NKAIN3: variants seen among roughly 807,000 people sequenced by gnomAD.
The protein encoded by NKAIN3 is sodium/potassium-transporting ATPase subunit beta-1-interacting protein 3.
A neutral mutation model predicts 30.2 loss-of-function variants in NKAIN3; 25 were observed. The ratio of observed to expected loss-of-function variants is 0.83; its 90% CI spans 0.60 to 1.16. The LOEUF is 1.16. Among genes scored for constraint, NKAIN3 ranks in the 50% most tolerant of loss-of-function variants. The pLI is 0.00. For synonymous variants in NKAIN3, 91 were observed against 89.6 expected (o/e 1.02, Z -0.09); for missense variants, 225 against 254.1 (o/e 0.89, Z 0.78).
chr8:62,647,558 T>C (rs1469126872), intron 3 of NKAIN3, among the ~76,000 whole-genome samples: 1 of 152,158 alleles, frequency 6.6e-6, no homozygotes, highest in Non-Finnish European at 1.5e-5. Context: ...CAGAAAGGCT[T>C]CCTGGACGAA....
At chr8:62,659,343 TCACTCTGG>T (rs1215249041) in intron 3 of NKAIN3, among the ~76,000 whole-genome samples, 1 of 108,772 alleles carries the variant, frequency 9.2e-6, no homozygotes, top group African/African-American at 3.7e-5. Flanking sequence ...GTTTAGAACC[TCACTCTGG>T]CACTTGCCAG....
intron 1 of NKAIN3, among the ~76,000 whole-genome samples, chr8:62,578,926 T>C (rs1435373726): frequency 1.3e-5 from 2 of 151,842 alleles, no homozygotes; most frequent in Non-Finnish European, 2.9e-5. Context: ...ATGAGGATGG[T>C]TAATAAATGC....
chr8:62,802,778 T>A (rs1291636713), intron 4 of NKAIN3, among the ~76,000 whole-genome samples: 3 of 152,152 alleles, frequency 2.0e-5, no homozygotes, highest in African/African-American at 7.2e-5. Context: ...TAACTTTAAA[T>A]GTAAATGGAC....
intron 1 of NKAIN3, among the ~76,000 whole-genome samples, chr8:62,392,375 A>G (rs941987411): frequency 2.0e-5 from 3 of 152,058 alleles, no homozygotes; most frequent in South Asian, 2.1e-4. Context: ...AGTGGAGTGA[A>G]GCTCACTTTT....
chr8:62,318,471 A>G (rs1191107174), intron 1 of NKAIN3, among the ~76,000 whole-genome samples: 1 of 152,212 alleles, frequency 6.6e-6, no homozygotes. Flanking sequence ...GATACATCCC[A>G]TCAATACCTA....
At chr8:62,257,972 G>T (rs1427984759) in intron 1 of NKAIN3, among the ~76,000 whole-genome samples, 11 of 151,860 alleles carry the variant, frequency 7.2e-5, no homozygotes, top group African/African-American at 2.7e-4. Flanking sequence ...GAAATAAATT[G>T]TTTTCTATCC....
chr8:62,870,257 T>TATCTATATATAGATATCTATAG (rs1586292035), intron 4 of NKAIN3, among the ~76,000 whole-genome samples: 19 of 84,982 alleles, frequency 2.2e-4, no homozygotes, highest in South Asian at 6.6e-4. Context: ...TATCTATATA[T>TATCTATATATAGATATCTATAG]ATATCTATAT....
chr8:62,746,487 C>T (rs1816075556), intron 3 of NKAIN3, among the ~76,000 whole-genome samples: 1 of 152,180 alleles, frequency 6.6e-6, no homozygotes, highest in South Asian at 2.1e-4. Context: ...CATTAAAGTG[C>T]CTACATGAAC....
intron 3 of NKAIN3, among the ~76,000 whole-genome samples, chr8:62,672,315 A>G (rs1433243325): frequency 1.3e-5 from 2 of 152,194 alleles, no homozygotes; most frequent in Non-Finnish European, 2.9e-5. Context: ...TTGTCCCTGA[A>G]TGTCTCAGAA....
intron 1 of NKAIN3, among the ~76,000 whole-genome samples, chr8:62,372,870 G>C (rs1011567332): frequency 6.6e-6 from 1 of 152,122 alleles, no homozygotes; most frequent in South Asian, 2.1e-4. Context: ...TCCCTTCTCT[G>C]TCTTTTTGCA....
intron 4 of NKAIN3, among the ~76,000 whole-genome samples, chr8:62,810,083 G>T (rs1022339712): frequency 4.6e-5 from 7 of 152,124 alleles, no homozygotes; most frequent in Non-Finnish European, 1.0e-4. Context: ...GACTGAGCAA[G>T]CCGCTCTTCT....
chr8:62,345,592 C>T (rs13260339), intron 1 of NKAIN3, among the ~76,000 whole-genome samples: 1,844 of 124,136 alleles, frequency 0.015, 196 homozygotes, highest in African/African-American at 0.058. Context: ...TATATACACA[C>T]ATATATACAC....
chr8:62,810,100 C>T (rs1818441902), intron 4 of NKAIN3, among the ~76,000 whole-genome samples: 1 of 152,082 alleles, frequency 6.6e-6, no homozygotes, highest in South Asian at 2.1e-4. Context: ...TTCTTCAAAG[C>T]CTGAGAGACA....
intron 1 of NKAIN3, among the ~76,000 whole-genome samples, chr8:62,256,632 C>T (rs1269908532): frequency 1.3e-5 from 2 of 152,058 alleles, no homozygotes; most frequent in South Asian, 2.1e-4. Flanking sequence ...GGTGTATCTG[C>T]GGTAGGCTGT....
At chr8:62,390,234 C>T (rs1027975506) in intron 1 of NKAIN3, among the ~76,000 whole-genome samples, 1 of 152,014 alleles carries the variant, frequency 6.6e-6, no homozygotes, top group Non-Finnish European at 1.5e-5. Context: ...GTGTGTTATT[C>T]CCCTCTATGT....
At chr8:62,410,249 G>A (rs1036358925) in intron 1 of NKAIN3, among the ~76,000 whole-genome samples, 1 of 152,152 alleles carries the variant, frequency 6.6e-6, no homozygotes, top group African/African-American at 2.4e-5. Flanking sequence ...TTAGGATAAT[G>A]GCCTCCAGTG....
At chr8:62,460,539 T>A (rs1211920914) in intron 1 of NKAIN3, among the ~76,000 whole-genome samples, 5 of 152,134 alleles carry the variant, frequency 3.3e-5, no homozygotes, top group African/African-American at 1.2e-4. Context: ...TGAATGTTGG[T>A]AAGAACAATG....
chr8:62,614,926 A>G (rs192269960), intron 3 of NKAIN3, among the ~76,000 whole-genome samples: 2 of 152,312 alleles, frequency 1.3e-5, no homozygotes, highest in East Asian at 3.9e-4. Context: ...GGGCAGGTCC[A>G]GAAATGCTAT....
chr8:62,485,875 CAGA>C, intron 1 of NKAIN3, among the ~76,000 whole-genome samples: 1 of 152,134 alleles, frequency 6.6e-6, no homozygotes, highest in African/African-American at 2.4e-5. Context: ...CTTGAGTGAG[CAGA>C]AGATTGACAG....
Sources: allele counts gnomAD v4.1 joint callset (sites outside exome capture counted in the v4.1 genomes callset), GRCh38; gene constraint gnomAD v4.1.1; transcripts MANE v1.5; gene names NCBI Gene and HGNC (gene_info 2026-07-23, HGNC 2026-07-21).